SPOCK1: variants seen among roughly 807,000 people sequenced by gnomAD.
SPOCK1 encodes the protein testican-1.
Under a neutral mutation model 55.3 loss-of-function variants are expected in SPOCK1, and 23 were observed. That is an observed-to-expected ratio of 0.42 (90% CI 0.30 to 0.59). The LOEUF is 0.59. Among genes scored for constraint, SPOCK1 ranks in the 20% least tolerant of loss-of-function variants. The pLI is 0.22. For missense variants in SPOCK1, 499 were observed against 552.5 expected (o/e 0.90, Z 0.97); for synonymous variants, 226 against 221.0 (o/e 1.02, Z -0.20).
chr5:137,270,677 C>T (rs992602202), intron 2 of SPOCK1, among the ~76,000 whole-genome samples: 1 of 152,170 alleles, frequency 6.6e-6, no homozygotes, highest in Non-Finnish European at 1.5e-5. Context: ...TCTAGAATCA[C>T]ATAGTATTCC....
intron 5 of SPOCK1, among the ~76,000 whole-genome samples, chr5:137,088,095 G>C (rs965098687): frequency 6.6e-6 from 1 of 152,114 alleles, no homozygotes; most frequent in East Asian, 1.9e-4. Context: ...GGGGGTCAGG[G>C]AGTAGGGACC....
At chr5:137,232,876 A>T (rs754943545) in intron 3 of SPOCK1, among the ~76,000 whole-genome samples, 1 of 152,192 alleles carries the variant, frequency 6.6e-6, no homozygotes, top group Non-Finnish European at 1.5e-5. Flanking sequence ...TGTTTTTTAC[A>T]CTGTAAATAT....
At chr5:137,498,300 A>ACACC (rs1554083909) in intron 2 of SPOCK1, 73 bp downstream of exon 2, 6 of 1,273,788 alleles carry the variant, frequency 4.7e-6, no homozygotes, top group Admixed American at 5.9e-5. Context: ...ACACACACAC[A>ACACC]CCCCAACCCC....
At chr5:137,400,289 T>C (rs1212258734) in intron 2 of SPOCK1, among the ~76,000 whole-genome samples, 1 of 152,128 alleles carries the variant, frequency 6.6e-6, no homozygotes, top group East Asian at 1.9e-4. Flanking sequence ...ACAGAGACTG[T>C]ACCAAGCCAG....
intron 2 of SPOCK1, among the ~76,000 whole-genome samples, chr5:137,438,902 G>GT (rs566398213): frequency 2.6e-3 from 400 of 152,272 alleles, no homozygotes; most frequent in African/African-American, 8.2e-3. Context: ...AGTAAGTAAA[G>GT]TTTTCAGATC....
At chr5:137,466,298 T>A (rs759498385) in intron 2 of SPOCK1, among the ~76,000 whole-genome samples, 2 of 152,180 alleles carry the variant, frequency 1.3e-5, no homozygotes, top group African/African-American at 4.8e-5. Context: ...TGCTAATTCA[T>A]AGGGTATTAA....
chr5:137,011,560 T>C (rs191967864), intron 6 of SPOCK1, among the ~76,000 whole-genome samples: 10 of 152,282 alleles, frequency 6.6e-5, no homozygotes, highest in African/African-American at 2.2e-4. Flanking sequence ...TCACAAAGGA[T>C]TGCAATGGTT....
intron 2 of SPOCK1, among the ~76,000 whole-genome samples, chr5:137,410,013 A>AT (rs1410587750): frequency 2.0e-5 from 3 of 152,234 alleles, no homozygotes; most frequent in Non-Finnish European, 4.4e-5. Flanking sequence ...AATGGCCACC[A>AT]TGAGCCACCT....
At chr5:137,024,409 A>T (rs755608496) in intron 6 of SPOCK1, among the ~76,000 whole-genome samples, 25 of 151,916 alleles carry the variant, frequency 1.6e-4, no homozygotes, top group Non-Finnish European at 2.4e-4. Context: ...ATTAATTAAC[A>T]TCTCACCAGG....
At chr5:137,494,814 G>C (rs982743233) in intron 2 of SPOCK1, among the ~76,000 whole-genome samples, 1 of 152,154 alleles carries the variant, frequency 6.6e-6, no homozygotes, top group African/African-American at 2.4e-5. Context: ...ATGAATGAAG[G>C]TACAAATGAA....
At chr5:137,032,029 C>T (rs1166022837) in intron 6 of SPOCK1, among the ~76,000 whole-genome samples, 1 of 146,914 alleles carries the variant, frequency 6.8e-6, no homozygotes, top group Non-Finnish European at 1.5e-5. Flanking sequence ...ATATATATTC[C>T]CCATATATAT....
intron 3 of SPOCK1, among the ~76,000 whole-genome samples, chr5:137,182,966 AGT>A (rs1490020598): frequency 6.6e-6 from 1 of 152,092 alleles, no homozygotes. Context: ...AACAACTCCT[AGT>A]GTGTTCATTA....
chr5:137,058,317 C>T (rs1361362639), intron 6 of SPOCK1, among the ~76,000 whole-genome samples: 1 of 152,216 alleles, frequency 6.6e-6, no homozygotes, highest in Non-Finnish European at 1.5e-5. Context: ...AGGTACTGAA[C>T]AGATCCAAAT....
intron 2 of SPOCK1, among the ~76,000 whole-genome samples, chr5:137,449,790 G>A (rs1753210956): frequency 6.8e-6 from 1 of 146,516 alleles, no homozygotes; most frequent in South Asian, 2.2e-4. Flanking sequence ...AGCTACTAAG[G>A]AGGCTGAGGT....
chr5:137,454,630 T>C (rs993491800), intron 2 of SPOCK1, among the ~76,000 whole-genome samples: 1 of 152,186 alleles, frequency 6.6e-6, no homozygotes, highest in Non-Finnish European at 1.5e-5. Flanking sequence ...GTGATTTGTA[T>C]TCTCATTCAA....
chr5:137,026,511 T>C (rs1275241269), intron 6 of SPOCK1, among the ~76,000 whole-genome samples: 1 of 152,202 alleles, frequency 6.6e-6, no homozygotes, highest in Non-Finnish European at 1.5e-5. Flanking sequence ...TCCCTGGGTC[T>C]CCAGCCTGCC....
intron 2 of SPOCK1, among the ~76,000 whole-genome samples, chr5:137,463,551 T>C (rs969628034): frequency 1.3e-5 from 1 of 79,496 alleles, no homozygotes. Flanking sequence ...AGGAGGGAGG[T>C]GGGGTGGTTA....
chr5:137,294,957 C>A (rs1267876279), intron 2 of SPOCK1, among the ~76,000 whole-genome samples: 1 of 152,198 alleles, frequency 6.6e-6, no homozygotes, highest in Non-Finnish European at 1.5e-5. Context: ...CCTCTTTCCA[C>A]CCCCATGATC....
intron 3 of SPOCK1, among the ~76,000 whole-genome samples, 196 bp downstream of exon 3, chr5:137,266,814 C>T (rs866991662): frequency 4.6e-5 from 7 of 152,046 alleles, no homozygotes; most frequent in African/African-American, 1.7e-4. Flanking sequence ...TTGTTTAAAT[C>T]AGCCCTAGAT....
Sources: allele counts gnomAD v4.1 joint callset (sites outside exome capture counted in the v4.1 genomes callset), GRCh38; gene constraint gnomAD v4.1.1; transcripts MANE v1.5; gene names NCBI Gene and HGNC (gene_info 2026-07-23, HGNC 2026-07-21).